SLCO2A1: variants seen among roughly 807,000 people sequenced by gnomAD.
SLCO2A1 encodes matrin F/G 1.
A neutral mutation model predicts 71.7 loss-of-function variants in SLCO2A1; 60 were observed. That is an observed-to-expected ratio of 0.84 (90% CI 0.68 to 1.04). The LOEUF is 1.04. Ranked by LOEUF, SLCO2A1 falls within the 50% of genes least tolerant of loss-of-function variation. The pLI is 0.00. For missense variants in SLCO2A1, 745 were observed against 813.4 expected, an observed-to-expected ratio of 0.92 and a Z score of 1.02; for synonymous variants, 308 against 326.7, an observed-to-expected ratio of 0.94 and a Z score of 0.62.
chr3:133,951,732 C>A (rs1454567603), intron 5 of SLCO2A1, among the ~76,000 whole-genome samples: 2 of 152,178 alleles, frequency 1.3e-5, no homozygotes, highest in African/African-American at 2.4e-5. Context: ...CAAGTCTGCC[C>A]ACCTCTCACC....
chr3:134,022,739 T>A (rs1463679944), intron 1 of SLCO2A1, among the ~76,000 whole-genome samples: 1 of 152,348 alleles, frequency 6.6e-6, no homozygotes, highest in Non-Finnish European at 1.5e-5. Context: ...ATTTAGCTTA[T>A]CTGGTGTAAA....
At chr3:134,018,851 C>A (rs1935513879) in intron 1 of SLCO2A1, among the ~76,000 whole-genome samples, 1 of 150,882 alleles carries the variant, frequency 6.6e-6, no homozygotes, top group African/African-American at 2.4e-5. Flanking sequence ...CAGATCTCTG[C>A]TTCTTAAGAT....
intron 1 of SLCO2A1, among the ~76,000 whole-genome samples, chr3:134,001,347 G>A (rs996322617): frequency 2.0e-5 from 3 of 152,128 alleles, no homozygotes; most frequent in African/African-American, 7.2e-5. Flanking sequence ...CTGGCCTCAG[G>A]TAATCCACCC....
intron 1 of SLCO2A1, among the ~76,000 whole-genome samples, chr3:134,000,016 A>C (rs908427684): frequency 3.9e-5 from 6 of 152,224 alleles, no homozygotes; most frequent in African/African-American, 1.4e-4. Context: ...AAAACAAAAC[A>C]AAACCCTCCA....
In SLCO2A1 at chr3:133,992,912, ATGTCATGAGTGTGGGTGC is replaced by A. The variant is rs1211213694; in HGVS notation, c.97-13312_97-13295del. Among the ~76,000 whole-genome samples, 1,346 of 150,538 alleles carry A rather than the reference ATGTCATGAGTGTGGGTGC, an allele frequency of 8.9e-3. 23 individuals carry two copies. Among genetic ancestry groups the A allele is most frequent in the African/African-American group, 0.031 (1,273 of 40,638 alleles). ...TCTTGGACGCCAGACAAGAGTTCAG[ATGTCATGAGTGTGGGTGC>A]TGTCATGAGTGTGGGTGCTGTCATG... On this transcript the variant is annotated intron_variant, in intron 1 of 13. Transcript: ENST00000310926.
chr3:133,973,916 C>T (rs1383980079), intron 2 of SLCO2A1, 91 bp from the exon 3 acceptor site: 4 of 1,326,598 alleles, frequency 3.0e-6, no homozygotes, highest in African/African-American at 1.5e-5. Context: ...TCCAGGAAAA[C>T]TGGAAAGGGA....
chr3:134,006,749 G>A (rs1381596016), intron 1 of SLCO2A1, among the ~76,000 whole-genome samples: 1 of 152,114 alleles, frequency 6.6e-6, no homozygotes, highest in African/African-American at 2.4e-5. Context: ...TTATTTCCAC[G>A]TTTTGGCTAT....
At chr3:133,939,876 C>A (rs1485430909) in intron 11 of SLCO2A1, among the ~76,000 whole-genome samples, 7 of 152,010 alleles carry the variant, frequency 4.6e-5, no homozygotes, top group African/African-American at 1.7e-4. Flanking sequence ...ACGTTTTCAG[C>A]TAGCCTTCAC....
At chr3:134,011,328 C>T (rs1048845396) in intron 1 of SLCO2A1, among the ~76,000 whole-genome samples, 1 of 152,150 alleles carries the variant, frequency 6.6e-6, no homozygotes, top group Non-Finnish European at 1.5e-5. Flanking sequence ...GAATTACAGG[C>T]GTGAGCCACT....
At position 133,965,417 on chromosome 3, in the gene SLCO2A1, C is replaced by T. The variant is rs144340087; in HGVS notation, c.397+8246G>A. ...GCTGCTCTGAGCGCATGCCACTCAACGCTTGTCACGGACTTTGGAGAAAGA... is the reference window on the plus strand; with the variant it reads ...GCTGCTCTGAGCGCATGCCACTCAATGCTTGTCACGGACTTTGGAGAAAGA... On this transcript the variant is annotated intron_variant, in intron 3 of 13. Coordinates refer to ENST00000310926, the MANE Select transcript of SLCO2A1 (RefSeq NM_005630.3). Among the ~76,000 whole-genome samples, 5 of 152,308 alleles carry T rather than the reference C, an allele frequency of 3.3e-5. No individual in the cohort carries two copies. In the South Asian group the frequency reaches 6.2e-4, roughly 19 times the overall value.
chr3:133,975,953 A>C (rs1934434976), intron 2 of SLCO2A1, among the ~76,000 whole-genome samples: 1 of 152,196 alleles, frequency 6.6e-6, no homozygotes, highest in South Asian at 2.1e-4. Flanking sequence ...TTTTATTTCC[A>C]TAAATACTAT....
intron 1 of SLCO2A1, among the ~76,000 whole-genome samples, chr3:134,024,411 T>G (rs1332018409): frequency 6.6e-6 from 1 of 152,224 alleles, no homozygotes; most frequent in African/African-American, 2.4e-5. Flanking sequence ...AAATGTAGAT[T>G]AGATAAACTA....
intron 9 of SLCO2A1, 101 bp from the exon 10 acceptor site, chr3:133,945,361 TG>T: frequency 8.4e-7 from 1 of 1,187,300 alleles, no homozygotes; most frequent in African/African-American, 1.5e-5. Flanking sequence ...AGTGTGTCTG[TG>T]CATCTTTATT....
chr3:133,962,231 T>C (rs1934052575), intron 3 of SLCO2A1, among the ~76,000 whole-genome samples: 1 of 152,214 alleles, frequency 6.6e-6, no homozygotes, highest in South Asian at 2.1e-4. Flanking sequence ...AGGCACATGC[T>C]ACCACGCCCA....
Position 133,934,384 on chromosome 3 carries a change from G to C in SLCO2A1, c.*329C>G, listed in dbSNP as rs1396012079. 4.9e-6 allele frequency: 1 copy of C among 204,606 alleles called. No homozygotes were observed. The highest frequency in any genetic ancestry group is 9.8e-6 in the Non-Finnish European group (1 of 101,828). 12.7% of individuals were successfully genotyped at this position (204,606 alleles called of 1,614,324 possible). A position where few individuals can be genotyped will look rare whatever the true frequency, so the allele number is the denominator to read the frequency against. On this transcript the variant is annotated 3_prime_UTR_variant, in exon 14 of 14. Transcript: ENST00000310926. ...CTCTCTCTGTTTAGGATTCCCCCCAGGGCTGGTGAGGGGCCTGGCTGCCTC... is the reference window on the plus strand; with the variant it reads ...CTCTCTCTGTTTAGGATTCCCCCCACGGCTGGTGAGGGGCCTGGCTGCCTC...
chr3:134,011,863 G>C (rs750000587), intron 1 of SLCO2A1, among the ~76,000 whole-genome samples: 13 of 152,216 alleles, frequency 8.5e-5, no homozygotes, highest in Non-Finnish European at 1.9e-4. Flanking sequence ...TGAGCAGTGA[G>C]AGCTGGGGTG....
intron 5 of SLCO2A1, 40 bp from the exon 6 acceptor site, chr3:133,951,384 A>C (rs372718756): frequency 6.2e-7 from 1 of 1,609,698 alleles, no homozygotes; most frequent in Non-Finnish European, 8.5e-7. Context: ...TGTTGAATGC[A>C]TGATCTCACC....
chr3:133,987,085 T>G (rs2108062437), intron 1 of SLCO2A1, among the ~76,000 whole-genome samples: 1 of 151,888 alleles, frequency 6.6e-6, no homozygotes, highest in East Asian at 1.9e-4. Context: ...ACTAGAAAAT[T>G]TCAACTGATG....
At position 133,984,709 on chromosome 3, in the gene SLCO2A1, A is replaced by G. The variant is rs556964996; in HGVS notation, c.97-5091T>C. ...GAGGAGGACACAGGTTCAAGAGTAC[A>G]TGGAGATGTATTGGTGGGAGGAAAA... On this transcript the variant is annotated intron_variant, in intron 1 of 13. Transcript: ENST00000310926. Among the ~76,000 whole-genome samples, 30 of 152,352 alleles carry G rather than the reference A, an allele frequency of 2.0e-4. No homozygotes were observed. In the South Asian group the frequency reaches 3.7e-3, roughly 19 times the overall value.
Sources: allele counts gnomAD v4.1 joint callset (sites outside exome capture counted in the v4.1 genomes callset), GRCh38; gene constraint gnomAD v4.1.1; transcripts MANE v1.5; gene names NCBI Gene and HGNC (gene_info 2026-07-23, HGNC 2026-07-21).